DCC: variants seen among roughly 807,000 people sequenced by gnomAD.
The protein encoded by DCC is DCC netrin 1 receptor.
Under a neutral mutation model 172.5 loss-of-function variants are expected in DCC, and 58 were observed. The observed-to-expected ratio is 0.34, with a 90% confidence interval of 0.27 to 0.42. DCC has a LOEUF of 0.42. Among genes scored for constraint, DCC ranks in the 10% least tolerant of loss-of-function variants. The probability of loss-of-function intolerance (pLI) is 1.00; values close to 1 mark genes in which losing one functional copy is unlikely to be tolerated. For missense variants in DCC, 1,740 were observed against 1,791.0 expected (o/e 0.97, Z 0.51); for synonymous variants, 709 against 644.5 (o/e 1.10, Z -1.52).
intron 9 of DCC, among the ~76,000 whole-genome samples, chr18:53,197,059 GA>G (rs896163538): frequency 5.3e-5 from 8 of 151,778 alleles, no homozygotes; most frequent in East Asian, 1.9e-4. Context: ...AACTACAGGA[GA>G]AAAAAAATCA....
At chr18:52,749,796 T>C (rs1249764802) in intron 1 of DCC, among the ~76,000 whole-genome samples, 1 of 152,196 alleles carries the variant, frequency 6.6e-6, no homozygotes, top group African/African-American at 2.4e-5. Context: ...GTGCTTAACA[T>C]GAGGTTGTGT....
At chr18:52,899,590 G>A (rs942368353) in intron 2 of DCC, among the ~76,000 whole-genome samples, 2 of 151,754 alleles carry the variant, frequency 1.3e-5, no homozygotes, top group Admixed American at 6.6e-5. Context: ...CCGGAACTCA[G>A]GTGATCCGCC....
At chr18:52,738,594 T>G (rs1435617638) in intron 1 of DCC, among the ~76,000 whole-genome samples, 1 of 152,180 alleles carries the variant, frequency 6.6e-6, no homozygotes, top group African/African-American at 2.4e-5. Context: ...CTTAGGAAGT[T>G]ACCGTACTTA....
intron 1 of DCC, among the ~76,000 whole-genome samples, chr18:52,517,171 T>C (rs2031669396): frequency 1.3e-5 from 2 of 152,226 alleles, no homozygotes; most frequent in South Asian, 4.1e-4. Flanking sequence ...AGAAGCAATC[T>C]GTGTTGTAAA....
intron 1 of DCC, among the ~76,000 whole-genome samples, chr18:52,383,208 T>C (rs1985657907): frequency 6.6e-6 from 1 of 152,066 alleles, no homozygotes; most frequent in African/African-American, 2.4e-5. Flanking sequence ...TCAGCAATAG[T>C]TTTCCAGAAA....
intron 1 of DCC, among the ~76,000 whole-genome samples, chr18:52,702,441 C>T (rs758762107): frequency 6.6e-6 from 1 of 152,110 alleles, no homozygotes; most frequent in Non-Finnish European, 1.5e-5. Flanking sequence ...TTTAATACAC[C>T]CCTGAGTATG....
At chr18:52,431,124 G>T (rs1987606826) in intron 1 of DCC, among the ~76,000 whole-genome samples, 1 of 152,004 alleles carries the variant, frequency 6.6e-6, no homozygotes, top group Non-Finnish European at 1.5e-5. Flanking sequence ...CATCACCAGA[G>T]AACTTGTTAG....
chr18:53,087,857 G>T (rs906763651), intron 7 of DCC, among the ~76,000 whole-genome samples: 196 of 151,780 alleles, frequency 1.3e-3, no homozygotes, highest in Non-Finnish European at 2.4e-3. Flanking sequence ...TATTATATAG[G>T]GAATCCTTTC....
chr18:53,127,547 C>T (rs2043582438), intron 7 of DCC, among the ~76,000 whole-genome samples: 1 of 152,078 alleles, frequency 6.6e-6, no homozygotes, highest in Admixed American at 6.6e-5. Context: ...CCACTATCAC[C>T]AGTCCCATTT....
At chr18:53,399,305 AAG>A (rs1333060432) in intron 18 of DCC, among the ~76,000 whole-genome samples, 9 of 152,120 alleles carry the variant, frequency 5.9e-5, no homozygotes, top group African/African-American at 2.2e-4. Flanking sequence ...AGTGTCACAA[AAG>A]AGAGAATATT....
At chr18:53,206,766 A>G (rs1046493945) in intron 10 of DCC, among the ~76,000 whole-genome samples, 2 of 150,638 alleles carry the variant, frequency 1.3e-5, no homozygotes, top group Non-Finnish European at 3.0e-5. Context: ...CAATAGTTAA[A>G]TCAAAAATTG....
chr18:52,342,235 T>G (rs114746439), intron 1 of DCC, among the ~76,000 whole-genome samples: 1,821 of 152,008 alleles, frequency 0.012, 38 homozygotes, highest in African/African-American at 0.041. Context: ...TCATCTTCCT[T>G]TGGCCAGAGA....
At chr18:52,641,445 A>G (rs1598979449) in intron 1 of DCC, among the ~76,000 whole-genome samples, 1 of 152,204 alleles carries the variant, frequency 6.6e-6, no homozygotes, top group Admixed American at 6.5e-5. Flanking sequence ...AGTGGGAGAA[A>G]ATCTTCACTA....
chr18:52,625,520 G>A (rs979814923), intron 1 of DCC, among the ~76,000 whole-genome samples: 8 of 152,056 alleles, frequency 5.3e-5, no homozygotes, highest in African/African-American at 1.9e-4. Context: ...TACTCCTGTA[G>A]TTCTCACTCC....
intron 1 of DCC, among the ~76,000 whole-genome samples, chr18:52,438,615 CTT>C (rs1987872138): frequency 6.6e-6 from 1 of 152,156 alleles, no homozygotes; most frequent in African/African-American, 2.4e-5. Flanking sequence ...ACAAGAAACT[CTT>C]TAAAAACCAA....
intron 7 of DCC, among the ~76,000 whole-genome samples, chr18:53,147,838 G>C (rs1272682335): frequency 6.6e-6 from 1 of 152,142 alleles, no homozygotes; most frequent in Non-Finnish European, 1.5e-5. Flanking sequence ...TTTATTGTAA[G>C]TCCTATAGGG....
intron 7 of DCC, among the ~76,000 whole-genome samples, chr18:53,081,680 T>C (rs565760624): frequency 1.3e-5 from 2 of 152,054 alleles, no homozygotes; most frequent in Non-Finnish European, 2.9e-5. Flanking sequence ...TGAAGATGAA[T>C]CCAGAGGTAC....
At chr18:53,078,035 C>A in intron 7 of DCC, among the ~76,000 whole-genome samples, 1 of 152,104 alleles carries the variant, frequency 6.6e-6, no homozygotes, top group Non-Finnish European at 1.5e-5. Context: ...AGAGTAAATT[C>A]GATATAACTA....
intron 1 of DCC, among the ~76,000 whole-genome samples, chr18:52,604,425 A>T (rs2144823617): frequency 2.6e-5 from 4 of 152,272 alleles, no homozygotes; most frequent in African/African-American, 9.6e-5. Context: ...CTTCCCTCCC[A>T]GTAATAAGTC....
Sources: gnomAD v4.1 joint callset for allele counts (sites outside exome capture counted in the v4.1 genomes callset) on GRCh38, gnomAD v4.1.1 for gene constraint, MANE v1.5 for transcripts, NCBI Gene and HGNC (gene_info 2026-07-23, HGNC 2026-07-21) for gene names.